Variants in KIF3B observed in about 807,000 individuals in gnomAD.
KIF3B encodes the protein kinesin-like protein KIF3B.
A neutral mutation model predicts 74.3 loss-of-function variants in KIF3B; 38 were observed. That is an observed-to-expected ratio of 0.51 (90% CI 0.39 to 0.67). The LOEUF (loss-of-function observed/expected upper bound fraction) is 0.67, where lower values mean the gene tolerates loss of function less well. KIF3B is among the 30% of genes least tolerant of loss of function. The pLI is 0.00. For missense variants in KIF3B, 649 were observed against 932.0 expected, an observed-to-expected ratio of 0.70 and a Z score of 3.95; for synonymous variants, 326 against 342.5, an observed-to-expected ratio of 0.95 and a Z score of 0.53.
At chr20:32,314,589 G>T (rs2047817976) in intron 2 of KIF3B, among the ~76,000 whole-genome samples, 3 of 152,156 alleles carry the variant, frequency 2.0e-5, no homozygotes, top group South Asian at 4.2e-4. Flanking sequence ...AGGTATGTAT[G>T]TGGAGTTTAG....
intron 1 of KIF3B, among the ~76,000 whole-genome samples, chr20:32,298,658 C>T (rs1304282443): frequency 6.6e-6 from 1 of 151,700 alleles, no homozygotes; most frequent in Non-Finnish European, 1.5e-5. Flanking sequence ...CCTTCTATCT[C>T]CCCTCCCCTC....
chr20:32,319,884 C>G (rs938515336), intron 5 of KIF3B, among the ~76,000 whole-genome samples: 1 of 150,504 alleles, frequency 6.6e-6, no homozygotes, highest in African/African-American at 2.4e-5. Flanking sequence ...CCATGTCCAG[C>G]CAATAATTAA....
intron 1 of KIF3B, among the ~76,000 whole-genome samples, chr20:32,303,078 G>T (rs1049055943): frequency 6.6e-6 from 1 of 152,092 alleles, no homozygotes; most frequent in Non-Finnish European, 1.5e-5. Context: ...TCTTCTTCCA[G>T]TGTGGCCCAA....
rs1229515739 is a variant in KIF3B at position 32,332,392 on chromosome 20, CAT to C, written c.*1075_*1076del. The stretch of plus-strand genomic sequence containing the variant: ...GACTCAGTGCAGTGGGCAGGGAAGA[CAT>C]AACAGATGGAAGCAAAGGAATCCTG... On this transcript the variant is annotated 3_prime_UTR_variant, in exon 9 of 9. Coordinates refer to ENST00000375712, the MANE Select transcript of KIF3B (RefSeq NM_004798.4). 1 of 152,328 alleles carries C rather than the reference CAT, an allele frequency of 6.6e-6. No individual in the cohort carries two copies. Among genetic ancestry groups the C allele is most frequent in the African/African-American group, 2.4e-5 (1 of 41,442 alleles). The allele number at this position is 152,328 out of a possible 1,614,324, so 9.4% of individuals were successfully genotyped here. A position where few individuals can be genotyped will look rare whatever the true frequency, so the allele number is the denominator to read the frequency against.
rs529208541 is a variant in KIF3B, at chr20:32,301,658, T to G, written c.-65-8055T>G. ...TCCCAAAGTGCTGAGATTACAGATG[T>G]GAGCCACCATGCCAGGCCCATGTTG... On this transcript the variant is annotated intron_variant, in intron 1 of 8. Transcript: ENST00000375712. 2.0e-5 allele frequency among the ~76,000 whole-genome samples: 3 copies of G among 152,314 alleles called. No homozygotes were observed. In the East Asian group the frequency reaches 5.8e-4, roughly 29 times the overall value.
chr20:32,303,551 C>T (rs1371047972), intron 1 of KIF3B, among the ~76,000 whole-genome samples: 7 of 137,832 alleles, frequency 5.1e-5, no homozygotes, highest in Admixed American at 3.0e-4. Flanking sequence ...GGTGACAGAG[C>T]GAGACTCCGT....
At chr20:32,326,182 A>G (rs957435142) in intron 5 of KIF3B, among the ~76,000 whole-genome samples, 5 of 152,156 alleles carry the variant, frequency 3.3e-5, no homozygotes, top group Admixed American at 6.5e-5. Flanking sequence ...TCCTTGTTTG[A>G]TGTGTTTCCT....
At chr20:32,330,043 G>A in intron 7 of KIF3B, 98 bp from the exon 8 acceptor site, 1 of 1,092,224 alleles carries the variant, frequency 9.2e-7, no homozygotes, top group East Asian at 2.7e-5. Flanking sequence ...TGAATAACAA[G>A]CAATTTGCAC....
At chr20:32,289,940 A>G (rs1280263360) in intron 1 of KIF3B, among the ~76,000 whole-genome samples, 1 of 151,950 alleles carries the variant, frequency 6.6e-6, no homozygotes, top group African/African-American at 2.4e-5. Context: ...TTTCTCCTGC[A>G]AATTGGGTCA....
At chr20:32,301,672 A>G (rs1390951751) in intron 1 of KIF3B, among the ~76,000 whole-genome samples, 1 of 152,084 alleles carries the variant, frequency 6.6e-6, no homozygotes, top group Non-Finnish European at 1.5e-5. Flanking sequence ...CCACCATGCC[A>G]GGCCCATGTT....
rs577710375 is a variant in KIF3B at position 32,297,149 on chromosome 20, G to T, written c.-65-12564G>T. ...TTTCTGATGGCTCATGTGATCTTTG[G>T]CTTGGGCTGCATTTCAGATACTCTG... On this transcript the variant is annotated intron_variant, in intron 1 of 8. Coordinates refer to ENST00000375712, the MANE Select transcript of KIF3B (RefSeq NM_004798.4). 3.9e-5 allele frequency among the ~76,000 whole-genome samples: 6 copies of T among 151,938 alleles called. No individual in the cohort carries two copies. The South Asian group carries it at 1.3e-3, about 32-fold the overall frequency.
chr20:32,300,317 G>T (rs552132546), intron 1 of KIF3B, among the ~76,000 whole-genome samples: 4 of 150,690 alleles, frequency 2.7e-5, no homozygotes, highest in African/African-American at 9.8e-5. Context: ...TCTCTCTGTC[G>T]CCCGGGCTGG....
intron 1 of KIF3B, among the ~76,000 whole-genome samples, chr20:32,283,418 C>T (rs1012192935): frequency 3.3e-5 from 5 of 151,782 alleles, no homozygotes; most frequent in South Asian, 2.1e-4. Flanking sequence ...GCAGGAGAAT[C>T]GCTTGAACCC....
intron 1 of KIF3B, among the ~76,000 whole-genome samples, chr20:32,304,978 TAA>T (rs1330269891): frequency 7.0e-6 from 1 of 142,902 alleles, no homozygotes; most frequent in Non-Finnish European, 1.5e-5. Flanking sequence ...CTGTCTCTAC[TAA>T]AAAAAAAAAA....
intron 5 of KIF3B, among the ~76,000 whole-genome samples, chr20:32,319,434 C>T (rs1036614226): frequency 6.6e-6 from 1 of 150,674 alleles, no homozygotes; most frequent in African/African-American, 2.4e-5. Flanking sequence ...GGAGAAATAT[C>T]TATACAAATC....
chr20:32,286,051 A>G (rs539790511), intron 1 of KIF3B, among the ~76,000 whole-genome samples: 1 of 152,330 alleles, frequency 6.6e-6, no homozygotes, highest in East Asian at 1.9e-4. Context: ...AGTGATAATC[A>G]TGGTGGGTGT....
chr20:32,287,804 A>C (rs942406541), intron 1 of KIF3B, among the ~76,000 whole-genome samples: 2 of 151,842 alleles, frequency 1.3e-5, no homozygotes, highest in Non-Finnish European at 2.9e-5. Flanking sequence ...GGTTTGTGAA[A>C]AGTTTGAACT....
Position 32,314,167 on chromosome 20 carries a change from T to C in KIF3B, c.1405-2051T>C, listed in dbSNP as rs554947908. On this transcript the variant is annotated intron_variant, in intron 2 of 8. Transcript: ENST00000375712. Reference sequence around the variant, plus strand: ...AGATTCAGCATCATCTTAAGGTCACTGCATCTCTTAGACATTTTGACTATG... The same window carrying C: ...AGATTCAGCATCATCTTAAGGTCACCGCATCTCTTAGACATTTTGACTATG... 3.3e-5 allele frequency among the ~76,000 whole-genome samples: 5 copies of C among 152,360 alleles called. No individual in the cohort carries two copies. The East Asian group carries it at 9.6e-4, about 29-fold the overall frequency.
intron 1 of KIF3B, among the ~76,000 whole-genome samples, chr20:32,283,378 C>G (rs1377967934): frequency 6.6e-6 from 1 of 151,982 alleles, no homozygotes; most frequent in Non-Finnish European, 1.5e-5. Flanking sequence ...GTGGTGCGCA[C>G]CTGTAATCCC....
Sources: gnomAD v4.1 joint callset for allele counts (sites outside exome capture counted in the v4.1 genomes callset) on GRCh38, gnomAD v4.1.1 for gene constraint, MANE v1.5 for transcripts, NCBI Gene and HGNC (gene_info 2026-07-23, HGNC 2026-07-21) for gene names.